GMDS: variants seen among roughly 807,000 people sequenced by gnomAD.
GMDS encodes the protein GDP-mannose 4,6-dehydratase.
A neutral mutation model predicts 49.9 loss-of-function variants in GMDS; 20 were observed. The observed-to-expected ratio is 0.40, with a 90% CI of 0.28 to 0.58. The LOEUF (loss-of-function observed/expected upper bound fraction) is 0.58, where lower values mean the gene tolerates loss of function less well. Ranked by LOEUF, GMDS falls within the 20% of genes least tolerant of loss-of-function variation. The pLI is 0.42. For synonymous variants in GMDS, 177 were observed against 178.6 expected (o/e 0.99, Z 0.07); for missense variants, 362 against 481.4 (o/e 0.75, Z 2.32).
chr6:1,691,201 C>T (rs1472340498), intron 9 of GMDS, among the ~76,000 whole-genome samples: 1 of 152,102 alleles, frequency 6.6e-6, no homozygotes, highest in African/African-American at 2.4e-5. Flanking sequence ...GAGTTCATGT[C>T]CTTTGCAGGG....
chr6:1,944,263 T>C (rs1305669759), intron 6 of GMDS, among the ~76,000 whole-genome samples: 1 of 152,156 alleles, frequency 6.6e-6, no homozygotes, highest in African/African-American at 2.4e-5. Context: ...TCCCAGCACC[T>C]TGGGAGGCCG....
At chr6:1,702,853 T>C (rs531767243) in intron 9 of GMDS, among the ~76,000 whole-genome samples, 6 of 152,276 alleles carry the variant, frequency 3.9e-5, no homozygotes, top group East Asian at 1.9e-4. Flanking sequence ...CTGTGAAAGA[T>C]AACTTCGGCT....
intron 9 of GMDS, among the ~76,000 whole-genome samples, chr6:1,634,387 C>T (rs536065729): frequency 8.5e-5 from 13 of 152,364 alleles, no homozygotes; most frequent in South Asian, 6.2e-4. Context: ...TGACCCTGAG[C>T]TCCCCTTGCT....
At chr6:2,140,363 C>T (rs1460346207) in intron 1 of GMDS, among the ~76,000 whole-genome samples, 1 of 152,160 alleles carries the variant, frequency 6.6e-6, no homozygotes, top group Non-Finnish European at 1.5e-5. Flanking sequence ...GAATTCTCCT[C>T]TTGAAGCCTC....
rs535318328 is a variant in GMDS at position 1,671,201 on chromosome 6, C to T, written c.988-46661G>A. Among the ~76,000 whole-genome samples, 4 of 152,304 alleles carry T rather than the reference C, an allele frequency of 2.6e-5. No individual in the cohort carries two copies. In the South Asian group the frequency reaches 8.3e-4, roughly 32 times the overall value. ...GCTTAGCTTTCTCGGCAACCTGTGA[C>T]CTACAAAGACGCCTGCCCTTCAGAG... On this transcript the variant is annotated intron_variant, in intron 9 of 10. Coordinates refer to ENST00000380815, the MANE Select transcript of GMDS (RefSeq NM_001500.4).
At chr6:1,723,736 A>G (rs760053194) in intron 9 of GMDS, among the ~76,000 whole-genome samples, 8 of 152,182 alleles carry the variant, frequency 5.3e-5, no homozygotes, top group African/African-American at 1.4e-4. Context: ...TATAAGAAGA[A>G]TAAGAAGCCT....
At chr6:1,781,195 G>A (rs1769068379) in intron 7 of GMDS, among the ~76,000 whole-genome samples, 1 of 152,150 alleles carries the variant, frequency 6.6e-6, no homozygotes, top group Non-Finnish European at 1.5e-5. Context: ...ACCAAGGCAG[G>A]CCTCACGAAG....
chr6:2,153,902 G>A (rs527451477), intron 1 of GMDS, among the ~76,000 whole-genome samples: 13 of 152,252 alleles, frequency 8.5e-5, no homozygotes, highest in African/African-American at 3.1e-4. Context: ...GAAATTTGTA[G>A]AGGTTAGACA....
intron 7 of GMDS, among the ~76,000 whole-genome samples, chr6:1,889,498 G>A (rs770787741): frequency 6.6e-6 from 1 of 152,032 alleles, no homozygotes; most frequent in African/African-American, 2.4e-5. Context: ...TCACTTCCAC[G>A]GCTTCGACTA....
chr6:2,155,496 T>C (rs1223903802), intron 1 of GMDS, among the ~76,000 whole-genome samples: 1 of 152,136 alleles, frequency 6.6e-6, no homozygotes, highest in Non-Finnish European at 1.5e-5. Flanking sequence ...TCACAGTTCC[T>C]CCATTTAAAA....
rs150152455 is a variant in GMDS, at chr6:1,813,940, G to A, written c.772-71354C>T. On this transcript the variant is annotated intron_variant, in intron 7 of 10. Transcript: ENST00000380815. ...TATAAAGACATATAGAGCCTGAATT[G>A]TAAAATCTAATTGCTTCATGTGAGT... is the stretch of plus-strand genomic sequence containing the variant. 4.2e-3 allele frequency among the ~76,000 whole-genome samples: 640 copies of A among 152,280 alleles called. 6 individuals carry two copies. The highest frequency in any genetic ancestry group is 0.024 in the East Asian group (126 of 5,186).
intron 2 of GMDS, among the ~76,000 whole-genome samples, chr6:2,118,396 G>A (rs1175866913): frequency 6.6e-6 from 1 of 152,184 alleles, no homozygotes; most frequent in Non-Finnish European, 1.5e-5. Flanking sequence ...ACTGGTGGCA[G>A]TTTTAATCCT....
At chr6:1,794,527 G>C (rs556564747) in intron 7 of GMDS, among the ~76,000 whole-genome samples, 1 of 152,330 alleles carries the variant, frequency 6.6e-6, no homozygotes, top group Non-Finnish European at 1.5e-5. Flanking sequence ...ATCTGGTACT[G>C]AGAAGCTGCA....
At chr6:1,953,050 G>A (rs1763435214) in intron 6 of GMDS, among the ~76,000 whole-genome samples, 1 of 152,142 alleles carries the variant, frequency 6.6e-6, no homozygotes, top group Admixed American at 6.5e-5. Context: ...AGACTAAAAT[G>A]AGTCAACATA....
rs576235637 is a variant in GMDS at position 1,731,391 on chromosome 6, A to G, written c.891-4879T>C. Among the ~76,000 whole-genome samples the G allele has an allele frequency of 8.3e-4, 126 of 152,326 alleles. 1 individual carries two copies. The highest frequency in any genetic ancestry group is 2.7e-3 in the African/African-American group (114 of 41,584). On this transcript the variant is annotated intron_variant, in intron 8 of 10. Coordinates refer to ENST00000380815, the MANE Select transcript of GMDS (RefSeq NM_001500.4). The stretch of plus-strand genomic sequence containing the variant: ...TTCCACACCAAAAGGGTGTCCTCCA[A>G]TAACGAATGGGTCTAGACCCACCTC...
At position 2,061,185 on chromosome 6, in the gene GMDS, G is replaced by A. The variant is rs7738355; in HGVS notation, c.345+54586C>T. Reference sequence around the variant, plus strand: ...ACCCGAGGTCATAGAGGAAAAGGACGGGAAACGAAGGTGGAACCAGACCCT... The same window carrying A: ...ACCCGAGGTCATAGAGGAAAAGGACAGGAAACGAAGGTGGAACCAGACCCT... On this transcript the variant is annotated intron_variant, in intron 4 of 10. Transcript: ENST00000380815. Among the ~76,000 whole-genome samples the A allele has an allele frequency of 4.7e-3, 716 of 152,138 alleles. 6 individuals are homozygous for A. The highest frequency in any genetic ancestry group is 0.017 in the African/African-American group (688 of 41,506).
At chr6:2,215,402 T>C (rs1780280606) in intron 1 of GMDS, among the ~76,000 whole-genome samples, 1 of 151,508 alleles carries the variant, frequency 6.6e-6, no homozygotes, top group Admixed American at 6.6e-5. Context: ...AAAGGAAAAA[T>C]GAGAGCCAAG....
intron 4 of GMDS, among the ~76,000 whole-genome samples, chr6:2,034,247 A>G (rs1338398404): frequency 1.3e-5 from 2 of 152,202 alleles, no homozygotes; most frequent in East Asian, 3.8e-4. Flanking sequence ...TTGTATAATC[A>G]TCTTTGCTGT....
chr6:2,120,834 C>A (rs994127018), intron 2 of GMDS, among the ~76,000 whole-genome samples: 1 of 152,180 alleles, frequency 6.6e-6, no homozygotes, highest in African/African-American at 2.4e-5. Context: ...ACAGAACATG[C>A]CTGCTACTCA....
Sources: gnomAD v4.1 joint callset for allele counts (sites outside exome capture counted in the v4.1 genomes callset) on GRCh38, gnomAD v4.1.1 for gene constraint, MANE v1.5 for transcripts, NCBI Gene and HGNC (gene_info 2026-07-23, HGNC 2026-07-21) for gene names.